PPFIA2: variants seen among roughly 807,000 people sequenced by gnomAD.
PPFIA2 encodes the protein liprin-alpha-2.
A neutral mutation model predicts 175.5 loss-of-function variants in PPFIA2; 46 were observed. That is an observed-to-expected ratio of 0.26 (90% CI 0.21 to 0.34). The LOEUF is 0.34. Ranked by LOEUF, PPFIA2 falls within the 10% of genes least tolerant of loss-of-function variation. The pLI, the probability that PPFIA2 is intolerant of heterozygous loss-of-function variation, is 1.00. For synonymous variants in PPFIA2, 568 were observed against 511.4 expected (o/e 1.11, Z -1.49); for missense variants, 1,179 against 1,506.1 (o/e 0.78, Z 3.60).
intron 4 of PPFIA2, among the ~76,000 whole-genome samples, chr12:81,619,513 A>T (rs955223070): frequency 1.3e-5 from 2 of 152,340 alleles, no homozygotes; most frequent in East Asian, 1.9e-4. Context: ...ATAGTAAAAA[A>T]ATCTGTTACT....
chr12:81,456,992 CT>C (rs1454294188), intron 5 of PPFIA2, among the ~76,000 whole-genome samples: 1 of 150,246 alleles, frequency 6.7e-6, no homozygotes, highest in African/African-American at 2.4e-5. Context: ...TTTTTGTTTC[CT>C]TTTTATTTTA....
intron 4 of PPFIA2, among the ~76,000 whole-genome samples, chr12:81,505,217 C>T (rs548174912): frequency 6.6e-6 from 1 of 150,920 alleles, no homozygotes; most frequent in South Asian, 2.1e-4. Context: ...ACATGTATAC[C>T]TATGTAACAA....
chr12:81,512,603 G>T (rs988145923), intron 4 of PPFIA2, among the ~76,000 whole-genome samples: 9 of 151,740 alleles, frequency 5.9e-5, no homozygotes, highest in Admixed American at 1.3e-4. Context: ...TGAGTTCTCT[G>T]GTGGTGATTT....
chr12:81,332,949 T>G (rs898341965), intron 21 of PPFIA2, among the ~76,000 whole-genome samples: 1 of 152,210 alleles, frequency 6.6e-6, no homozygotes, highest in Non-Finnish European at 1.5e-5. Flanking sequence ...AAATTTATTT[T>G]CATAGTAAAT....
intron 4 of PPFIA2, among the ~76,000 whole-genome samples, chr12:81,674,422 C>G (rs745753971): frequency 6.6e-6 from 1 of 152,046 alleles, no homozygotes; most frequent in Non-Finnish European, 1.5e-5. Flanking sequence ...AAAAAATACA[C>G]TTTGGGAGGC....
intron 4 of PPFIA2, among the ~76,000 whole-genome samples, chr12:81,518,598 C>T (rs1242280969): frequency 1.3e-5 from 2 of 152,028 alleles, no homozygotes; most frequent in Non-Finnish European, 2.9e-5. Flanking sequence ...TAGTACAACC[C>T]ATCATGGTAA....
chr12:81,281,427 C>T lies in PPFIA2; in HGVS notation c.3042G>A (p.Leu1014=). Reference sequence around the variant, plus strand: ...ACTCATGATTCATATCTCCATAAGCCAGGGTCTGTAGAAAAACCGGACACT... The same window carrying T: ...ACTCATGATTCATATCTCCATAAGCTAGGGTCTGTAGAAAAACCGGACACT... The part of the protein sequence containing the change: ...WAQCPVFLQT[L]AYGDMNHEWI... Residue 1014 remains leucine (L), a synonymous_variant, in exon 27 of 33, where the codon CTG becomes CTA. Transcript: ENST00000549396. The T allele has an allele frequency of 6.2e-7, 1 of 1,607,166 alleles. No individual in the cohort carries two copies. Among genetic ancestry groups the T allele is most frequent in the Non-Finnish European group, 8.5e-7 (1 of 1,175,896 alleles).
At chr12:81,663,423 T>C (rs2069373174) in intron 4 of PPFIA2, among the ~76,000 whole-genome samples, 1 of 152,018 alleles carries the variant, frequency 6.6e-6, no homozygotes, top group Non-Finnish European at 1.5e-5. Flanking sequence ...AAATCATGAG[T>C]GAACTCCCAT....
chr12:81,283,938 G>A (rs1047492029), intron 25 of PPFIA2, among the ~76,000 whole-genome samples: 5 of 152,010 alleles, frequency 3.3e-5, no homozygotes, highest in African/African-American at 9.7e-5. Context: ...CTGTGAATAT[G>A]TCCAATACTA....
At position 81,281,285 on chromosome 12, in the gene PPFIA2, G is replaced by T; in HGVS notation, c.3184C>A (p.His1062Asn). 6.2e-7 allele frequency: 1 copy of T among 1,606,984 alleles called. No individual in the cohort carries two copies. Among genetic ancestry groups the T allele is most frequent in the Non-Finnish European group, 8.5e-7 (1 of 1,176,176 alleles). ...DHLTKKDLRVHLKMVDSFHRT... is the reference protein window; with the variant it reads ...DHLTKKDLRVNLKMVDSFHRT... Reference sequence around the variant, plus strand: ...TGGAAACTATCCACCATTTTTAAATGGACACGGAGATCTTTTTTTGTTAGG... The same window carrying T: ...TGGAAACTATCCACCATTTTTAAATTGACACGGAGATCTTTTTTTGTTAGG... The change falls in exon 27 of 33, where the codon CAT becomes AAT. Residue 1062 changes from histidine (H) to asparagine (N), a missense_variant. Physicochemically the swap from His to Asn is moderately conservative, Grantham distance 68. Coordinates refer to ENST00000549396, the MANE Select transcript of PPFIA2 (RefSeq NM_003625.5).
chr12:81,690,454 T>A lies in PPFIA2; in HGVS notation c.250-13610A>T, dbSNP rs186147118. On this transcript the variant is annotated intron_variant, in intron 3 of 32. Transcript: ENST00000549396. Reference sequence around the variant, plus strand: ...TCAGGATTTTTCGCATCTTTACACTTAGGCACCAAAGTCTATTCCTGTCTC... The same window carrying A: ...TCAGGATTTTTCGCATCTTTACACTAAGGCACCAAAGTCTATTCCTGTCTC... Among the ~76,000 whole-genome samples, 3 of 152,128 alleles carry A rather than the reference T, an allele frequency of 2.0e-5. No homozygotes were observed. In the East Asian group the frequency reaches 5.8e-4, roughly 30 times the overall value.
At chr12:81,686,601 A>G (rs1179395081) in intron 3 of PPFIA2, among the ~76,000 whole-genome samples, 1 of 152,034 alleles carries the variant, frequency 6.6e-6, no homozygotes, top group African/African-American at 2.4e-5. Context: ...CATCCTTGCT[A>G]TCTCAAACTC....
intron 4 of PPFIA2, among the ~76,000 whole-genome samples, chr12:81,563,222 A>G (rs1223761143): frequency 6.6e-6 from 1 of 152,084 alleles, no homozygotes; most frequent in East Asian, 1.9e-4. Flanking sequence ...TGACTCCACT[A>G]CTTAGTCTGG....
At chr12:81,707,646 G>A (rs200991734) in intron 3 of PPFIA2, among the ~76,000 whole-genome samples, 15,737 of 142,832 alleles carry the variant, frequency 0.11, 1,055 homozygotes, top group Middle Eastern at 0.2. Context: ...TAGAAATACC[G>A]TTTGACCCAG....
intron 4 of PPFIA2, among the ~76,000 whole-genome samples, chr12:81,601,411 T>C (rs188111406): frequency 8.5e-5 from 13 of 152,056 alleles, no homozygotes; most frequent in African/African-American, 2.6e-4. Flanking sequence ...TCATTGTCCA[T>C]TGTGGTTGAG....
Position 81,527,842 on chromosome 12 carries a change from A to C in PPFIA2, c.304-69976T>G, listed in dbSNP as rs1197982170. 3.9e-5 allele frequency among the ~76,000 whole-genome samples: 6 copies of C among 152,050 alleles called. No individual in the cohort carries two copies. In the East Asian group the frequency reaches 7.7e-4, roughly 20 times the overall value. On this transcript the variant is annotated intron_variant, in intron 4 of 32. Coordinates refer to ENST00000549396, the MANE Select transcript of PPFIA2 (RefSeq NM_003625.5). ...GCCTGCTTCCTGCTTCCATCATATAAGGACACAAGGCACCACCTATGAATG... is the reference window on the plus strand; with the variant it reads ...GCCTGCTTCCTGCTTCCATCATATACGGACACAAGGCACCACCTATGAATG...
chr12:81,615,295 C>T (rs1214876018), intron 4 of PPFIA2, among the ~76,000 whole-genome samples: 1 of 152,198 alleles, frequency 6.6e-6, no homozygotes, highest in Non-Finnish European at 1.5e-5. Flanking sequence ...CAAGTGCTCA[C>T]TCTTGCACAT....
At chr12:81,319,560 G>C (rs1459202309) in intron 22 of PPFIA2, among the ~76,000 whole-genome samples, 1 of 151,772 alleles carries the variant, frequency 6.6e-6, no homozygotes, top group Non-Finnish European at 1.5e-5. Flanking sequence ...TATATTCATT[G>C]AATTAGTTGC....
intron 3 of PPFIA2, among the ~76,000 whole-genome samples, chr12:81,694,877 C>A (rs374562151): frequency 6.6e-6 from 1 of 152,144 alleles, no homozygotes; most frequent in African/African-American, 2.4e-5. Context: ...ACCCCTTGCA[C>A]CAGTTTGCCC....
Sources: gnomAD v4.1 joint callset for allele counts (sites outside exome capture counted in the v4.1 genomes callset) on GRCh38, gnomAD v4.1.1 for gene constraint, MANE v1.5 for transcripts, NCBI Gene and HGNC (gene_info 2026-07-23, HGNC 2026-07-21) for gene names.